Variants in RANBP2 observed in about 807,000 individuals in gnomAD.
RANBP2 encodes RAN binding protein 2, also known as E3 SUMO-protein ligase RanBP2.
RANBP2 carries 57 observed loss-of-function variants against 303.6 expected under a neutral mutation model. The ratio of observed to expected loss-of-function variants is 0.19; its 90% CI spans 0.15 to 0.23. The LOEUF (loss-of-function observed/expected upper bound fraction) is 0.23, where lower values mean the gene tolerates loss of function less well. Among genes scored for constraint, RANBP2 ranks in the 10% least tolerant of loss-of-function variants. The probability of loss-of-function intolerance (pLI) is 1.00; values close to 1 mark genes in which losing one functional copy is unlikely to be tolerated. For missense variants in RANBP2, 3,138 were observed against 3,780.8 expected (o/e 0.83, Z 4.46); for synonymous variants, 1,167 against 1,301.5 (o/e 0.90, Z 2.23).
At chr2:109,320,540 A>G in the RANBP2 span, among the ~76,000 whole-genome samples, 45 of 152,296 alleles carry the variant, frequency 3.0e-4, 1 homozygote, top group East Asian at 2.1e-3. Flanking sequence ...TGCTGGATAC[A>G]TGTTTGTTAT....
chr2:109,744,450 AT>A, the RANBP2 span, among the ~76,000 whole-genome samples: 1 of 85,556 alleles, frequency 1.2e-5, no homozygotes, highest in African/African-American at 3.1e-5. Flanking sequence ...TTGCTTGTTG[AT>A]TTGTTTACAT....
the RANBP2 span, among the ~76,000 whole-genome samples, chr2:109,732,139 T>G: frequency 6.6e-6 from 1 of 152,188 alleles, no homozygotes; most frequent in African/African-American, 2.4e-5. Flanking sequence ...ATTATAGGCG[T>G]GAACTAGCAT....
chr2:109,285,269 G>C, the RANBP2 span, among the ~76,000 whole-genome samples: 1 of 152,252 alleles, frequency 6.6e-6, no homozygotes, highest in African/African-American at 2.4e-5. Flanking sequence ...GGGCAGGACA[G>C]CTTCCCCTTT....
At chr2:109,311,797 C>T in the RANBP2 span, among the ~76,000 whole-genome samples, 1 of 152,224 alleles carries the variant, frequency 6.6e-6, no homozygotes, top group East Asian at 1.9e-4. Context: ...ACCCATATGG[C>T]AGAGACAGCA....
the RANBP2 span, among the ~76,000 whole-genome samples, chr2:109,488,950 C>T: frequency 8.1e-4 from 123 of 152,270 alleles, no homozygotes; most frequent in African/African-American, 2.9e-3. Context: ...AGAGCTGGGC[C>T]GCCTCTTCCT....
chr2:109,023,948 G>C, the RANBP2 span, among the ~76,000 whole-genome samples: 3 of 151,112 alleles, frequency 2.0e-5, no homozygotes, highest in Non-Finnish European at 4.4e-5. Context: ...ATTTTGAGAC[G>C]GAGTTTCACT....
the RANBP2 span, among the ~76,000 whole-genome samples, chr2:109,037,512 T>A: frequency 6.6e-6 from 1 of 152,026 alleles, no homozygotes; most frequent in Non-Finnish European, 1.5e-5. Context: ...AGGAAAGAAA[T>A]AAAACTGCCC....
At chr2:108,990,522 G>C in the RANBP2 span, among the ~76,000 whole-genome samples, 2 of 152,076 alleles carry the variant, frequency 1.3e-5, no homozygotes, top group Non-Finnish European at 2.9e-5. Context: ...TTCGAACCCA[G>C]GAGATGGAAG....
At chr2:109,354,924 A>G in the RANBP2 span, among the ~76,000 whole-genome samples, 2 of 152,258 alleles carry the variant, frequency 1.3e-5, no homozygotes, top group Non-Finnish European at 2.9e-5. Flanking sequence ...TACGAAGCTT[A>G]GGAAGAAAGG....
At chr2:109,182,880 A>G in the RANBP2 span, among the ~76,000 whole-genome samples, 1 of 152,204 alleles carries the variant, frequency 6.6e-6, no homozygotes, top group Non-Finnish European at 1.5e-5. Flanking sequence ...GCCATATAAA[A>G]TTATACTGTT....
At chr2:108,728,595 TATG>T (rs56238649) in intron 1 of RANBP2, among the ~76,000 whole-genome samples, 94,053 of 145,498 alleles carry the variant, frequency 0.65, 31,967 homozygotes, top group East Asian at 0.88. Context: ...CCAGCTTATT[TATG>T]ATGATGATGA....
downstream of RANBP2, among the ~76,000 whole-genome samples, chr2:108,790,791 C>T (rs988568073): frequency 6.6e-6 from 1 of 152,130 alleles, no homozygotes; most frequent in Non-Finnish European, 1.5e-5. Flanking sequence ...GAGCCTGTTG[C>T]CCAGGCTGTG....
chr2:109,449,214 G>T, the RANBP2 span: 1 of 1,613,526 alleles, frequency 6.2e-7, no homozygotes. Flanking sequence ...AACTGCCACC[G>T]TGTCACCCCT....
At chr2:108,960,882 A>G in the RANBP2 span, among the ~76,000 whole-genome samples, 2 of 152,378 alleles carry the variant, frequency 1.3e-5, no homozygotes, top group East Asian at 3.9e-4. Context: ...GTATTCCACC[A>G]TGTGGATGTA....
At chr2:109,773,151 T>C in the RANBP2 span, among the ~76,000 whole-genome samples, 1 of 152,116 alleles carries the variant, frequency 6.6e-6, no homozygotes, top group African/African-American at 2.4e-5. Flanking sequence ...GCCTTGAGAT[T>C]GGACAAGATT....
At chr2:109,470,822 A>G in the RANBP2 span, among the ~76,000 whole-genome samples, 1 of 152,216 alleles carries the variant, frequency 6.6e-6, no homozygotes, top group African/African-American at 2.4e-5. Context: ...ACAGCAAACA[A>G]AGGGTGCTGA....
chr2:109,446,062 T>A, the RANBP2 span, among the ~76,000 whole-genome samples: 2 of 152,100 alleles, frequency 1.3e-5, no homozygotes, highest in Non-Finnish European at 2.9e-5. Context: ...AAAGAAGATG[T>A]GGGCTACTTT....
the RANBP2 span, among the ~76,000 whole-genome samples, chr2:108,808,423 G>C: frequency 6.6e-6 from 1 of 151,890 alleles, no homozygotes; most frequent in Non-Finnish European, 1.5e-5. Flanking sequence ...TCGTTTTTTT[G>C]GGAACCTGAA....
At chr2:109,709,694 C>T in the RANBP2 span, among the ~76,000 whole-genome samples, 2,408 of 152,376 alleles carry the variant, frequency 0.016, 42 homozygotes, top group South Asian at 0.087. Context: ...TCAGCTCTAG[C>T]ACATTATCAT....
Sources: allele counts gnomAD v4.1 joint callset (sites outside exome capture counted in the v4.1 genomes callset), GRCh38; gene constraint gnomAD v4.1.1; transcripts MANE v1.5; gene names NCBI Gene and HGNC (gene_info 2026-07-23, HGNC 2026-07-21).